SCAMP4: variants seen among roughly 807,000 people sequenced by gnomAD.
The protein encoded by SCAMP4 is secretory carrier membrane protein 4.
Under a neutral mutation model 32.1 loss-of-function variants are expected in SCAMP4, and 19 were observed. The observed-to-expected ratio is 0.59, with a 90% CI of 0.41 to 0.87. The LOEUF (loss-of-function observed/expected upper bound fraction) is 0.87. Among genes scored for constraint, SCAMP4 ranks in the 40% least tolerant of loss-of-function variants. The pLI is 0.00. For missense variants in SCAMP4, 302 were observed against 309.0 expected, an observed-to-expected ratio of 0.98 and a Z score of 0.17; for synonymous variants, 152 against 132.7, an observed-to-expected ratio of 1.15 and a Z score of -1.00.
chr19:1,919,567 G>T (rs1430922694), intron 5 of SCAMP4: 1 of 549,112 alleles, frequency 1.8e-6, no homozygotes, highest in Non-Finnish European at 2.3e-6. Flanking sequence ...TGCAATCTCA[G>T]CTCACTGCAA....
At chr19:1,919,061 G>A (rs905708174) in intron 5 of SCAMP4, 71 bp downstream of exon 5, 3 of 1,554,440 alleles carry the variant, frequency 1.9e-6, no homozygotes, top group Admixed American at 3.9e-5. Flanking sequence ...CTGCTGGGAA[G>A]CCAGGCGGCC....
chr19:1,916,199 C>G (rs2013727856), intron 2 of SCAMP4, among the ~76,000 whole-genome samples: 2 of 151,456 alleles, frequency 1.3e-5, no homozygotes, highest in Admixed American at 6.6e-5. Context: ...GATCACGCCA[C>G]TGCACTCCAG....
At chr19:1,917,396 G>C (rs150379045) in intron 2 of SCAMP4, among the ~76,000 whole-genome samples, 2 of 152,180 alleles carry the variant, frequency 1.3e-5, no homozygotes, top group African/African-American at 4.8e-5. Flanking sequence ...CAAGCTGTAG[G>C]CCGGTTCCCG....
Position 1,908,393 on chromosome 19 carries a change from C to A in SCAMP4, c.-42+2954C>A. ...GCTGGTCCCCCATCTGTGGGGCGCC[C>A]CGGCGGCTGAGGCGTGGACCAGGCA... On this transcript the variant is annotated intron_variant, in intron 1 of 6. Transcript: ENST00000316097. The surrounding 1 kb of genome is among the most constrained non-coding windows in gnomAD (Gnocchi z 4.2). 1 of 418,318 alleles carries A rather than the reference C, an allele frequency of 2.4e-6. No individual in the cohort carries two copies. 25.9% of individuals were successfully genotyped at this position (418,318 alleles called of 1,614,324 possible). A position where few individuals can be genotyped will look rare whatever the true frequency, so the allele number is the denominator to read the frequency against.
intron 1 of SCAMP4, 189 bp downstream of exon 1, chr19:1,905,628 G>C (rs1263622878): frequency 6.2e-6 from 1 of 160,936 alleles, no homozygotes; most frequent in Non-Finnish European, 1.4e-5. Flanking sequence ...CGGCGCGAAT[G>C]CGCGTGCGCG....
At chr19:1,912,170 G>A (rs1428853667) in intron 1 of SCAMP4, 1 of 1,575,662 alleles carries the variant, frequency 6.3e-7, no homozygotes, top group East Asian at 2.3e-5. Flanking sequence ...AGCCGGCGCC[G>A]TGGCAGGCCC....
At position 1,908,228 on chromosome 19, in the gene SCAMP4, C is replaced by G. The variant is rs1054011280; in HGVS notation, c.-42+2789C>G. The G allele has an allele frequency of 7.1e-6, 2 of 282,938 alleles. No homozygotes were observed. Among genetic ancestry groups the G allele is most frequent in the Non-Finnish European group, 1.4e-5 (2 of 143,104 alleles). 17.5% of individuals were successfully genotyped at this position (282,938 alleles called of 1,614,324 possible). A position where few individuals can be genotyped will look rare whatever the true frequency, so the allele number is the denominator to read the frequency against. ...ACGGGGCCTCGGGCAGCGGCAGCAC[C>G]TGGCGCTGCCTCCGCGCTTCCTGCT... On this transcript the variant is annotated intron_variant, in intron 1 of 6. Coordinates refer to ENST00000316097, the MANE Select transcript of SCAMP4 (RefSeq NM_079834.4). This position sits in a 1 kb window ranked among gnomAD's most constrained non-coding sequence, Gnocchi z 4.2.
At chr19:1,920,788 C>A in intron 5 of SCAMP4, 1 of 985,522 alleles carries the variant, frequency 1.0e-6, no homozygotes, top group Non-Finnish European at 1.2e-6. Flanking sequence ...CCCCAGCTCT[C>A]CCAGGCTGAG....
chr19:1,921,715 C>A, intron 5 of SCAMP4: 1 of 985,076 alleles, frequency 1.0e-6, no homozygotes, highest in Non-Finnish European at 1.2e-6. Context: ...TGGTGGCTGA[C>A]GCCTGTAATC....
Position 1,918,159 on chromosome 19 carries a change from G to T in SCAMP4, c.169G>T (p.Ala57Ser), listed in dbSNP as rs748994841. 4 of 1,612,814 alleles carry T rather than the reference G, an allele frequency of 2.5e-6. No homozygotes were observed. Among genetic ancestry groups the T allele is most frequent in the Non-Finnish European group, 3.4e-6 (4 of 1,179,758 alleles). ...CGCCACCCTCGGCGTCAACCTCATT[G>T]CCTGCCTGGCCTGGTGGATCGGCGG... ...YCATLGVNLIACLAWWIGGGS... is the reference protein window; with the variant it reads ...YCATLGVNLISCLAWWIGGGS... Residue 57 changes from alanine (A) to serine (S), a missense_variant, in exon 4 of 7, where the codon GCC (alanine) becomes TCC (serine). Transcript: ENST00000316097.
rs2013277336 is a variant in SCAMP4 at position 1,908,765 on chromosome 19, C to T, written c.-42+3326C>T. ...CCTCTCGCCTTGGTCTCCTGAGTAG[C>T]TGGGACTACATGTGCACACCACCGT... On this transcript the variant is annotated intron_variant, in intron 1 of 6. Transcript: ENST00000316097. The surrounding 1 kb of genome is among the most constrained non-coding windows in gnomAD (Gnocchi z 4.2). 3 of 359,530 alleles carry T rather than the reference C, an allele frequency of 8.3e-6. No homozygotes were observed. Among genetic ancestry groups the T allele is most frequent in the South Asian group, 6.5e-5 (3 of 46,488 alleles). The allele number at this position is 359,530 out of a possible 1,614,324, so 22.3% of individuals were successfully genotyped here.
Position 1,918,797 on chromosome 19 carries a change from C to T in SCAMP4, c.294-92C>T, listed in dbSNP as rs1451592908. The T allele has an allele frequency of 8.6e-6, 13 of 1,517,022 alleles. No homozygotes were observed. The African/African-American group carries it at 1.1e-4, about 13-fold the overall frequency. 94.0% of individuals were successfully genotyped at this position (1,517,022 alleles called of 1,614,324 possible). ...AAAAAGGAATAAAATAGAGCCTCCG[C>T]TCTCACCATCTCTGACTGGCCCGTT... On this transcript the variant is annotated intron_variant, in intron 4 of 6. Coordinates refer to ENST00000316097, the MANE Select transcript of SCAMP4 (RefSeq NM_079834.4).
intron 1 of SCAMP4, chr19:1,906,969 C>G (rs1018172638): frequency 1.3e-5 from 2 of 151,864 alleles, no homozygotes; most frequent in Admixed American, 1.3e-4. Flanking sequence ...AGGTATATCA[C>G]AAGGTCAGGA....
chr19:1,905,406 G>T lies in SCAMP4; in HGVS notation c.-75G>T, dbSNP rs12974606. The T allele has an allele frequency of 0.062, 28,734 of 463,970 alleles. 1,219 individuals are homozygous for T. Among genetic ancestry groups the T allele is most frequent in the Middle Eastern group, 0.14 (429 of 3,046 alleles). The allele number at this position is 463,970 out of a possible 1,614,324, so 28.7% of individuals were successfully genotyped here. ...TGGGCCGGGCCGGTTGCTAAGACTTGGCGAAGCGCTGCGCTCGCGCCCGGA... is the reference window on the plus strand; with the variant it reads ...TGGGCCGGGCCGGTTGCTAAGACTTTGCGAAGCGCTGCGCTCGCGCCCGGA... On this transcript the variant is annotated 5_prime_UTR_variant, in exon 1 of 7. Coordinates refer to ENST00000316097, the MANE Select transcript of SCAMP4 (RefSeq NM_079834.4).
intron 2 of SCAMP4, among the ~76,000 whole-genome samples, chr19:1,916,671 T>C (rs1003368417): frequency 2.0e-5 from 3 of 152,022 alleles, no homozygotes; most frequent in Non-Finnish European, 4.4e-5. Context: ...GTTGCCAGGC[T>C]GATCTGGAAC....
chr19:1,922,979 G>C (rs2145461638), intron 5 of SCAMP4, 91 bp from the exon 6 acceptor site: 2 of 1,417,398 alleles, frequency 1.4e-6, no homozygotes, highest in Non-Finnish European at 1.8e-6. Flanking sequence ...TGATTGGCCA[G>C]AGCTCTTTAC....
At chr19:1,917,847 CG>C in intron 3 of SCAMP4, 25 bp downstream of exon 3, 4 of 1,612,226 alleles carry the variant, frequency 2.5e-6, no homozygotes, top group Non-Finnish European at 3.4e-6. Flanking sequence ...GGGCAGGAGG[CG>C]GGAAGCGGGA....
chr19:1,921,413 C>CA, intron 5 of SCAMP4: 1 of 985,004 alleles, frequency 1.0e-6, no homozygotes, highest in Non-Finnish European at 1.2e-6. Flanking sequence ...AGGGTGGCCA[C>CA]ATGGCGGCAG....
Position 1,921,216 on chromosome 19 carries a change from ACT to A in SCAMP4, c.396-1851_396-1850del, listed in dbSNP as rs939919502. ...CTTCACCAGCGCCACCTCCCCACAC[ACT>A]CTGTGCACTGCTGTGGGGCAAGAGG... On this transcript the variant is annotated intron_variant, in intron 5 of 6. Coordinates refer to ENST00000316097, the MANE Select transcript of SCAMP4 (RefSeq NM_079834.4). The A allele has an allele frequency of 1.3e-5, 13 of 981,688 alleles. No individual in the cohort carries two copies. In the African/African-American group the frequency reaches 2.0e-4, roughly 15 times the overall value. The allele number at this position is 981,688 out of a possible 1,614,324, so 60.8% of individuals were successfully genotyped here. A position where few individuals can be genotyped will look rare whatever the true frequency, so the allele number is the denominator to read the frequency against.
Sources: allele counts gnomAD v4.1 joint callset (sites outside exome capture counted in the v4.1 genomes callset), GRCh38; gene constraint gnomAD v4.1.1; non-coding constraint Gnocchi (gnomAD v3.1); transcripts MANE v1.5; gene names NCBI Gene and HGNC (gene_info 2026-07-23, HGNC 2026-07-21).